The following REPS2 variants were observed in gnomAD, a reference collection of about 807,000 sequenced individuals.
REPS2 encodes the protein ralBP1-associated Eps domain-containing protein 2.
A neutral mutation model predicts 53.6 loss-of-function variants in REPS2; 23 were observed. The observed-to-expected ratio is 0.43, with a 90% confidence interval of 0.31 to 0.61. The LOEUF (loss-of-function observed/expected upper bound fraction) is 0.61, where lower values mean the gene tolerates loss of function less well. Among genes scored for constraint, REPS2 ranks in the 20% least tolerant of loss-of-function variants. The pLI, the probability that REPS2 is intolerant of heterozygous loss-of-function variation, is 0.11. For synonymous variants in REPS2, 238 were observed against 218.6 expected, an observed-to-expected ratio of 1.09 and a Z score of -0.78; for missense variants, 446 against 534.9, an observed-to-expected ratio of 0.83 and a Z score of 1.64.
At chrX:17,077,584 T>C (rs887365241) in intron 13 of REPS2, among the ~76,000 whole-genome samples, 177 bp downstream of exon 13, 3 of 112,255 alleles carry the variant, frequency 2.7e-5, no homozygotes, top group East Asian at 2.8e-4. Context: ...TAGACACATA[T>C]GTAGCACATG....
the REPS2 span, among the ~76,000 whole-genome samples, chrX:17,178,904 A>G: frequency 3.6e-5 from 4 of 110,719 alleles, no homozygotes; most frequent in Non-Finnish European, 7.6e-5. Context: ...AAAAAAAAAA[A>G]GTATTTGGAT....
intron 14 of REPS2, among the ~76,000 whole-genome samples, chrX:17,121,292 A>G (rs186669291): frequency 8.4e-4 from 94 of 112,246 alleles, no homozygotes; most frequent in Non-Finnish European, 3.2e-4. Context: ...TGTAAGTATC[A>G]CCCAGTGGTG....
chrX:17,111,237 A>G (rs147535329), intron 14 of REPS2, among the ~76,000 whole-genome samples: 2 of 111,950 alleles, frequency 1.8e-5, no homozygotes, highest in East Asian at 5.6e-4. Context: ...ACATCATGAA[A>G]TCTCTTGCTG....
At chrX:17,123,393 T>C (rs1464357579) in intron 14 of REPS2, among the ~76,000 whole-genome samples, 2 of 112,963 alleles carry the variant, frequency 1.8e-5, no homozygotes, top group African/African-American at 6.4e-5. Flanking sequence ...AATATTTGTC[T>C]TTTAGACCAA....
chrX:17,185,967 T>G, the REPS2 span, among the ~76,000 whole-genome samples: 3 of 111,774 alleles, frequency 2.7e-5, no homozygotes, highest in African/African-American at 9.8e-5. Flanking sequence ...AAAATCTTCT[T>G]AAATTGGCTA....
intron 14 of REPS2, among the ~76,000 whole-genome samples, chrX:17,118,598 G>A (rs1454182883): frequency 8.9e-6 from 1 of 112,068 alleles, no homozygotes; most frequent in East Asian, 2.8e-4. Context: ...AAAGGTTTCT[G>A]GGGAAGTGCT....
At chrX:17,122,918 G>A (rs773672617) in intron 14 of REPS2, among the ~76,000 whole-genome samples, 1 of 112,368 alleles carries the variant, frequency 8.9e-6, no homozygotes, top group East Asian at 2.8e-4. Flanking sequence ...CTGATACACA[G>A]AGCAAAGAAA....
At chrX:17,020,703 A>G (rs937702348) in intron 2 of REPS2, among the ~76,000 whole-genome samples, 3 of 108,847 alleles carry the variant, frequency 2.8e-5, no homozygotes, top group Non-Finnish European at 5.7e-5. Flanking sequence ...ATCTTGGCTC[A>G]CTGCAACCTC....
the REPS2 span, among the ~76,000 whole-genome samples, chrX:17,185,411 G>A: frequency 9.0e-6 from 1 of 111,672 alleles, no homozygotes; most frequent in Admixed American, 9.5e-5. Context: ...CTTGATGAGA[G>A]AATTTGCAAA....
chrX:17,093,201 A>ATATATATATATATATATATATATAT (rs2062647822), intron 13 of REPS2, among the ~76,000 whole-genome samples: 1 of 22,515 alleles, frequency 4.4e-5, no homozygotes, highest in African/African-American at 1.8e-4. Flanking sequence ...TATATATATA[A>ATATATATATATATATATATATATAT]TTTTTTTTTT....
downstream of REPS2, among the ~76,000 whole-genome samples, chrX:17,157,724 T>C (rs957981424): frequency 6.2e-5 from 7 of 112,485 alleles, no homozygotes; most frequent in East Asian, 1.7e-3. Flanking sequence ...CTTCTCTCCC[T>C]TTCTCTCAAT....
chrX:17,004,413 CTT>C (rs5901599), intron 1 of REPS2, among the ~76,000 whole-genome samples: 3,627 of 79,778 alleles, frequency 0.045, 175 homozygotes, highest in African/African-American at 0.15. Context: ...CAGAACTAAC[CTT>C]TTTTTTTTTT....
chrX:17,035,907 C>T (rs2061759742), intron 5 of REPS2, among the ~76,000 whole-genome samples: 1 of 112,088 alleles, frequency 8.9e-6, no homozygotes, highest in African/African-American at 3.2e-5. Flanking sequence ...TACTATACAT[C>T]TAACATGCAT....
At chrX:16,965,204 T>A (rs2060736092) in intron 1 of REPS2, among the ~76,000 whole-genome samples, 2 of 79,788 alleles carry the variant, frequency 2.5e-5, no homozygotes, top group Non-Finnish European at 4.8e-5. Context: ...CACTTCCCAG[T>A]AGGGGCGGCT....
At chrX:17,113,684 C>A (rs1372256387) in intron 14 of REPS2, among the ~76,000 whole-genome samples, 2 of 110,881 alleles carry the variant, frequency 1.8e-5, no homozygotes, top group East Asian at 2.8e-4. Context: ...ATTCAAAAGG[C>A]AAAGGAAATG....
chrX:17,136,295 C>A lies in REPS2; in HGVS notation c.1808+889C>A, dbSNP rs1273458569. On this transcript the variant is annotated intron_variant, in intron 16 of 17. Coordinates refer to ENST00000357277, the MANE Select transcript of REPS2 (RefSeq NM_004726.3). ...AGCAACTTGTCTTTGAAGCCAAAGT[C>A]CCATTCTGAATCTCTGCAGCCCTCT... 3 of 112,214 alleles carry A rather than the reference C, an allele frequency of 2.7e-5. No homozygotes were observed. The East Asian group carries it at 8.4e-4, about 31-fold the overall frequency. The allele number at this position is 112,214 out of a possible 1,213,427, so 9.2% of individuals were successfully genotyped here.
intron 5 of REPS2, among the ~76,000 whole-genome samples, chrX:17,045,707 G>C (rs2061896099): frequency 9.1e-6 from 1 of 109,646 alleles, no homozygotes; most frequent in East Asian, 2.8e-4. Context: ...TAGCCTGTTT[G>C]CTGGGTGCAT....
intron 1 of REPS2, among the ~76,000 whole-genome samples, chrX:16,990,357 T>C (rs1602609028): frequency 1.8e-5 from 2 of 111,276 alleles, no homozygotes; most frequent in Admixed American, 1.9e-4. Context: ...CGCCTGTAAT[T>C]CCAGCACTTT....
Position 17,057,064 on chromosome X carries a change from C to T in REPS2, c.1114+2114C>T, listed in dbSNP as rs2062081764. 3.6e-5 allele frequency among the ~76,000 whole-genome samples: 4 copies of T among 112,185 alleles called. No homozygotes were observed. The South Asian group carries it at 1.5e-3, about 42-fold the overall frequency. On this transcript the variant is annotated intron_variant, in intron 8 of 17. Transcript: ENST00000357277. Reference sequence around the variant, plus strand: ...AGTGCTCATTGAGAGGCCCCAGAAACAGCTGGTGCTTTCAACAACCTTTCT... The same window carrying T: ...AGTGCTCATTGAGAGGCCCCAGAAATAGCTGGTGCTTTCAACAACCTTTCT...
Sources: gnomAD v4.1 joint callset for allele counts (sites outside exome capture counted in the v4.1 genomes callset) on GRCh38, gnomAD v4.1.1 for gene constraint, MANE v1.5 for transcripts, NCBI Gene and HGNC (gene_info 2026-07-23, HGNC 2026-07-21) for gene names.